Variants in SIMC1 observed in about 807,000 individuals in gnomAD.
The protein encoded by SIMC1 is SUMO interacting motifs containing 1, also known as SUMO-interacting motif-containing protein 1.
Under a neutral mutation model 82.3 loss-of-function variants are expected in SIMC1, and 55 were observed. The ratio of observed to expected loss-of-function variants is 0.67; its 90% confidence interval spans 0.54 to 0.84. SIMC1 has a LOEUF of 0.84. SIMC1 is among the 40% of genes least tolerant of loss of function. The probability of loss-of-function intolerance (pLI) is 0.00; values close to 1 mark genes in which losing one functional copy is unlikely to be tolerated. For synonymous variants in SIMC1, 353 were observed against 426.3 expected (o/e 0.83, Z 2.12); for missense variants, 915 against 1,107.2 (o/e 0.83, Z 2.46).
intron 1 of SIMC1, among the ~76,000 whole-genome samples, chr5:176,280,058 A>G (rs1380903383): frequency 6.6e-6 from 1 of 151,986 alleles, no homozygotes; most frequent in Non-Finnish European, 1.5e-5. Context: ...TGATCTGTCT[A>G]ATGTTGACAG....
In SIMC1 at chr5:176,345,133, G is replaced by T. The variant is rs770084508; in HGVS notation, c.2414-50G>T. 6 of 1,562,724 alleles carry T rather than the reference G, an allele frequency of 3.8e-6. No homozygotes were observed. The East Asian group carries it at 1.4e-4, about 35-fold the overall frequency. On this transcript the variant is annotated intron_variant, in intron 9 of 9. Transcript: ENST00000429602. ...CTACCAAAATTAGACTTCTTAAAAA[G>T]AATTAAAAAGCAGTTCAGAGCACCC...
intron 1 of SIMC1, among the ~76,000 whole-genome samples, chr5:176,263,907 A>C (rs1440162556): frequency 2.6e-5 from 4 of 152,246 alleles, no homozygotes; most frequent in Non-Finnish European, 4.4e-5. Context: ...CTAAGATACA[A>C]TGATTGTGCA....
At chr5:176,322,789 T>G (rs1765221806) in intron 6 of SIMC1, 1 of 170,332 alleles carries the variant, frequency 5.9e-6, no homozygotes, top group Non-Finnish European at 1.3e-5. Flanking sequence ...GTGTGTAGTG[T>G]GAGTTTTGTT....
chr5:176,266,032 C>T (rs547601744), intron 1 of SIMC1, among the ~76,000 whole-genome samples: 3 of 152,240 alleles, frequency 2.0e-5, no homozygotes, highest in East Asian at 3.9e-4. Context: ...TGACTCTCTC[C>T]AAAATTTGAA....
In SIMC1 at chr5:176,289,993, A is replaced by C. The variant is rs138522145; in HGVS notation, c.469A>C (p.Thr157Pro). The change falls in exon 2 of 10, where the codon ACA (threonine) becomes CCA (proline). Residue 157 changes from threonine (T) to proline (P), a missense_variant. Physicochemically the swap from Thr to Pro is conservative, Grantham distance 38. Around this residue, in one of 2 missense-constraint regions of SIMC1, gnomAD observed 902 missense variants for 1,040.3 expected, o/e 0.87. Coordinates refer to ENST00000429602, the MANE Select transcript of SIMC1 (RefSeq NM_001308195.2). The part of the protein sequence containing the change: ...TSISGGSVYP[T>P]EPNCSSATFT... ...CATCAGTGGAGGCTCTGTTTATCCA[A>C]CAGAGCCTAATTGTAGCTCAGCCAC... 1.1e-5 allele frequency: 17 copies of C among 1,613,624 alleles called. No individual in the cohort carries two copies. Among genetic ancestry groups the C allele is most frequent in the Non-Finnish European group, 1.4e-5 (17 of 1,179,808 alleles).
At chr5:176,249,062 T>TTTG (rs1251245125) in intron 1 of SIMC1, among the ~76,000 whole-genome samples, 3 of 152,166 alleles carry the variant, frequency 2.0e-5, no homozygotes, top group African/African-American at 7.2e-5. Flanking sequence ...CTGAAATTTT[T>TTTG]TTGTTGTTGT....
At chr5:176,251,458 G>A (rs1224590847) in intron 1 of SIMC1, among the ~76,000 whole-genome samples, 1 of 152,150 alleles carries the variant, frequency 6.6e-6, no homozygotes, top group East Asian at 1.9e-4. Context: ...AGGAGCTCTT[G>A]TAAGGCAGGC....
rs115896245 is a variant in SIMC1, at chr5:176,318,243, C to A, written c.1890-4030C>A. On this transcript the variant is annotated intron_variant, in intron 5 of 9. Coordinates refer to ENST00000429602, the MANE Select transcript of SIMC1 (RefSeq NM_001308195.2). ...CTGCCACGCAGAAAAAGCAGGGAGG[C>A]GGGCAAGGTTGCAAAGGGAGAAGCC... is the stretch of plus-strand genomic sequence containing the variant. 7.7e-3 allele frequency among the ~76,000 whole-genome samples: 1,172 copies of A among 152,286 alleles called. 11 individuals are homozygous for A. Among genetic ancestry groups the A allele is most frequent in the African/African-American group, 0.027 (1,112 of 41,566 alleles).
intron 1 of SIMC1, among the ~76,000 whole-genome samples, chr5:176,277,480 T>C (rs1466374294): frequency 1.3e-5 from 2 of 152,036 alleles, no homozygotes; most frequent in African/African-American, 2.4e-5. Context: ...ATTTTGGCTT[T>C]TGTTGCCATT....
At chr5:176,341,300 A>G (rs1007496013) in intron 9 of SIMC1, among the ~76,000 whole-genome samples, 1 of 152,256 alleles carries the variant, frequency 6.6e-6, no homozygotes, top group African/African-American at 2.4e-5. Flanking sequence ...TAGCAGGGCA[A>G]GGATGTAGTG....
chr5:176,318,013 T>C (rs1451504056), intron 5 of SIMC1, among the ~76,000 whole-genome samples: 1 of 152,186 alleles, frequency 6.6e-6, no homozygotes, highest in Non-Finnish European at 1.5e-5. Context: ...TTAAATACCT[T>C]CTAGAGGTTT....
chr5:176,305,171 T>G (rs1372047052), intron 4 of SIMC1, among the ~76,000 whole-genome samples: 1 of 44,190 alleles, frequency 2.3e-5, no homozygotes, highest in African/African-American at 7.7e-5. Flanking sequence ...TGGCCAGCCG[T>G]GCCGTCCGGG....
Position 176,345,573 on chromosome 5 carries a change from T to C in SIMC1, c.*128T>C. The C allele has an allele frequency of 9.4e-7, 1 of 1,058,734 alleles. No individual in the cohort carries two copies. The highest frequency in any genetic ancestry group is 1.3e-6 in the Non-Finnish European group (1 of 763,386). 65.6% of individuals were successfully genotyped at this position (1,058,734 alleles called of 1,614,324 possible). ...AACCTGCATTATTTAATCAGTAGGT[T>C]GTAATTTCTAACTCTAGTAAATATC... On this transcript the variant is annotated 3_prime_UTR_variant, in exon 10 of 10. Coordinates refer to ENST00000429602, the MANE Select transcript of SIMC1 (RefSeq NM_001308195.2).
intron 7 of SIMC1, among the ~76,000 whole-genome samples, chr5:176,333,826 G>T (rs1330983314): frequency 6.6e-6 from 1 of 151,948 alleles, no homozygotes; most frequent in Non-Finnish European, 1.5e-5. Flanking sequence ...GATCACTGAG[G>T]CTCTGTTTTT....
intron 5 of SIMC1, among the ~76,000 whole-genome samples, chr5:176,320,933 T>A (rs1054512198): frequency 6.6e-6 from 1 of 152,148 alleles, no homozygotes; most frequent in Non-Finnish European, 1.5e-5. Flanking sequence ...TGGTTGCTTT[T>A]AATTTTGTAA....
chr5:176,290,664 C>G lies in SIMC1; in HGVS notation c.1140C>G (p.Asn380Lys). Residue 380 changes from asparagine (N) to lysine (K), a missense_variant, in exon 2 of 10, where the codon AAC (asparagine) becomes AAG (lysine). Asn to Lys is a moderately conservative substitution (Grantham distance 94). Transcript: ENST00000429602. ...ACTTTACCCAGAATGATGTACAGAA[C>G]CGTGACATGCCTATGGATATCTCAG... The part of the protein sequence containing the change: ...RPDFTQNDVQ[N>K]RDMPMDISAL... 1 of 1,614,024 alleles carries G rather than the reference C, an allele frequency of 6.2e-7. No individual in the cohort carries two copies. The highest frequency in any genetic ancestry group is 8.5e-7 in the Non-Finnish European group (1 of 1,179,902).
chr5:176,291,216 T>C (rs1446107009), intron 2 of SIMC1, among the ~76,000 whole-genome samples: 1 of 141,218 alleles, frequency 7.1e-6, no homozygotes, highest in Non-Finnish European at 1.5e-5. Context: ...CAGGCTAGAG[T>C]GCAGTGGCAC....
intron 1 of SIMC1, among the ~76,000 whole-genome samples, chr5:176,265,722 C>A (rs1762182275): frequency 6.6e-6 from 1 of 152,068 alleles, no homozygotes; most frequent in South Asian, 2.1e-4. Flanking sequence ...AATTTGTTAT[C>A]TGTGAAAGTT....
At chr5:176,286,882 T>C (rs1415688005) in intron 1 of SIMC1, among the ~76,000 whole-genome samples, 1 of 152,192 alleles carries the variant, frequency 6.6e-6, no homozygotes, top group Non-Finnish European at 1.5e-5. Flanking sequence ...GAAAAAATGC[T>C]CATCATCACT....
Sources: gnomAD v4.1 joint callset for allele counts (sites outside exome capture counted in the v4.1 genomes callset) on GRCh38, gnomAD v4.1.1 for gene constraint, gnomAD v4.1.1 regional missense constraint, MANE v1.5 for transcripts, NCBI Gene and HGNC (gene_info 2026-07-23, HGNC 2026-07-21) for gene names.